The following ZDHHC20 variants were observed in gnomAD, a reference collection of about 807,000 sequenced individuals.
The protein encoded by ZDHHC20 is zDHHC palmitoyltransferase 20, also known as palmitoyltransferase ZDHHC20.
Under a neutral mutation model 57.8 loss-of-function variants are expected in ZDHHC20, and 43 were observed. The ratio of observed to expected loss-of-function variants is 0.74; its 90% CI spans 0.58 to 0.96. The LOEUF (loss-of-function observed/expected upper bound fraction) is 0.96. Ranked by LOEUF, ZDHHC20 falls within the 40% of genes least tolerant of loss-of-function variation. The probability of loss-of-function intolerance (pLI) is 0.00; values close to 1 mark genes in which losing one functional copy is unlikely to be tolerated. For synonymous variants in ZDHHC20, 157 were observed against 153.0 expected (o/e 1.03, Z -0.19); for missense variants, 391 against 441.1 (o/e 0.89, Z 1.02).
At chr13:21,445,288 T>C (rs1883579984) in intron 1 of ZDHHC20, among the ~76,000 whole-genome samples, 1 of 152,156 alleles carries the variant, frequency 6.6e-6, no homozygotes, top group South Asian at 2.1e-4. Context: ...CAGATGTGGA[T>C]CTGAGCTTTG....
chr13:21,396,092 C>A (rs1260737264), intron 7 of ZDHHC20, among the ~76,000 whole-genome samples: 1 of 152,160 alleles, frequency 6.6e-6, no homozygotes, highest in African/African-American at 2.4e-5. Context: ...TTCCTGCAGC[C>A]AGCCAATCCA....
intron 10 of ZDHHC20, 118 bp downstream of exon 10, chr13:21,382,802 C>T: frequency 1.2e-6 from 1 of 803,102 alleles, no homozygotes; most frequent in Non-Finnish European, 1.9e-6. Context: ...ATTTCTCTTT[C>T]CCTAACTATG....
chr13:21,442,137 T>C (rs1419388048), intron 1 of ZDHHC20, among the ~76,000 whole-genome samples: 1 of 152,270 alleles, frequency 6.6e-6, no homozygotes, highest in Non-Finnish European at 1.5e-5. Context: ...AATTCCTTTT[T>C]GGTATATATG....
chr13:21,457,283 T>C (rs1025268132), intron 1 of ZDHHC20, among the ~76,000 whole-genome samples: 3 of 152,184 alleles, frequency 2.0e-5, no homozygotes, highest in African/African-American at 7.2e-5. Flanking sequence ...TCCTTCAGCT[T>C]TACTTCAAAA....
chr13:21,394,664 A>G (rs1372302305), intron 7 of ZDHHC20, among the ~76,000 whole-genome samples: 1 of 152,208 alleles, frequency 6.6e-6, no homozygotes, highest in African/African-American at 2.4e-5. Flanking sequence ...GCACACAAAC[A>G]TTGCTGAATT....
At chr13:21,401,010 G>A (rs2137793696) in intron 6 of ZDHHC20, among the ~76,000 whole-genome samples, 1 of 152,224 alleles carries the variant, frequency 6.6e-6, no homozygotes, top group African/African-American at 2.4e-5. Flanking sequence ...GAGTGCAGTG[G>A]CTCATGCCTG....
At position 21,381,561 on chromosome 13, in the gene ZDHHC20, A is replaced by G; in HGVS notation, c.945-12T>C. 6.3e-7 allele frequency: 1 copy of G among 1,581,714 alleles called. No homozygotes were observed. The highest frequency in any genetic ancestry group is 8.7e-7 in the Non-Finnish European group (1 of 1,151,622). On this transcript the variant is annotated splice_polypyrimidine_tract_variant and intron_variant, in intron 10 of 12. Transcript: ENST00000400590. ...GATTTGAGCCACTACTGAAAAGAAG[A>G]GCAAACAACTTAGTAAACAGCTTAA...
chr13:21,413,405 A>G (rs989152418), intron 4 of ZDHHC20, among the ~76,000 whole-genome samples: 1 of 152,076 alleles, frequency 6.6e-6, no homozygotes, highest in African/African-American at 2.4e-5. Flanking sequence ...GAGTTGGGGG[A>G]AAAAAACAAG....
intron 4 of ZDHHC20, among the ~76,000 whole-genome samples, chr13:21,410,370 A>G (rs1879038368): frequency 6.6e-6 from 1 of 152,206 alleles, no homozygotes; most frequent in Non-Finnish European, 1.5e-5. Flanking sequence ...TCTGTCCCTT[A>G]GCAGAGCTCG....
chr13:21,377,742 G>T, intron 12 of ZDHHC20: 1 of 167,584 alleles, frequency 6.0e-6, no homozygotes, highest in Admixed American at 6.4e-5. Context: ...GCAGGCTCCA[G>T]GTCCTCTGCA....
intron 1 of ZDHHC20, among the ~76,000 whole-genome samples, chr13:21,432,196 C>T (rs962689230): frequency 6.6e-6 from 1 of 152,098 alleles, no homozygotes; most frequent in Non-Finnish European, 1.5e-5. Context: ...GACAGAATCT[C>T]GCTCTGTCGC....
At position 21,376,263 on chromosome 13, in the gene ZDHHC20, C is replaced by A. The variant is rs1320856491; in HGVS notation, c.*433G>T. The A allele has an allele frequency of 6.4e-6, 1 of 156,734 alleles. No individual in the cohort carries two copies. Among genetic ancestry groups the A allele is most frequent in the East Asian group, 1.8e-4 (1 of 5,418 alleles). 9.7% of individuals were successfully genotyped at this position (156,734 alleles called of 1,614,324 possible). The stretch of plus-strand genomic sequence containing the variant: ...ATTATTCACTTTCAGCCACCATTTG[C>A]CCTAGATGTACTTTAAAGTTTTTAA... On this transcript the variant is annotated 3_prime_UTR_variant, in exon 13 of 13. Transcript: ENST00000400590.
chr13:21,402,480 T>C (rs987800935), intron 5 of ZDHHC20, among the ~76,000 whole-genome samples: 7 of 152,194 alleles, frequency 4.6e-5, no homozygotes, highest in Admixed American at 6.5e-5. Context: ...TTATCTGGGA[T>C]TCCAAACTAA....
chr13:21,382,106 C>T (rs1873534524), intron 10 of ZDHHC20: 2 of 333,138 alleles, frequency 6.0e-6, no homozygotes, highest in Admixed American at 7.1e-5. Context: ...ATCTTATACA[C>T]ATTATCTCAA....
At chr13:21,414,622 T>C (rs763194753) in intron 3 of ZDHHC20, among the ~76,000 whole-genome samples, 37 of 151,138 alleles carry the variant, frequency 2.4e-4, no homozygotes, top group South Asian at 1.3e-3. Flanking sequence ...CTGCCCGCCT[T>C]GGCCTCCCAA....
chr13:21,426,900 G>A (rs969911900), intron 1 of ZDHHC20, among the ~76,000 whole-genome samples: 6 of 152,196 alleles, frequency 3.9e-5, no homozygotes, highest in East Asian at 1.9e-4. Context: ...GAGCCACCGC[G>A]CCAGGCCCTC....
At chr13:21,457,452 A>G (rs1316850567) in intron 1 of ZDHHC20, among the ~76,000 whole-genome samples, 1 of 152,236 alleles carries the variant, frequency 6.6e-6, no homozygotes, top group African/African-American at 2.4e-5. Context: ...TTCTGGAAGT[A>G]GCTCCCAGAA....
rs185968128 is a variant in ZDHHC20, at chr13:21,374,294, G to A, written c.*2402C>T. On this transcript the variant is annotated 3_prime_UTR_variant, in exon 13 of 13. Transcript: ENST00000400590. ...GGCTGGAGTGCAGTGGCACGATCTC[G>A]GCTCACTGCGACCTCCACCTCCTGG... The A allele has an allele frequency of 4.9e-4, 188 of 386,184 alleles. No homozygotes were observed. Among genetic ancestry groups the A allele is most frequent in the African/African-American group, 3.4e-3 (166 of 49,020 alleles). The allele number at this position is 386,184 out of a possible 1,614,324, so 23.9% of individuals were successfully genotyped here. A position where few individuals can be genotyped will look rare whatever the true frequency, so the allele number is the denominator to read the frequency against.
intron 1 of ZDHHC20, among the ~76,000 whole-genome samples, chr13:21,438,055 A>G (rs1593266521): frequency 6.6e-6 from 1 of 152,138 alleles, no homozygotes; most frequent in Admixed American, 6.5e-5. Context: ...TCCTTTCAAA[A>G]TATTACTGCT....
Sources: gnomAD v4.1 joint callset for allele counts (sites outside exome capture counted in the v4.1 genomes callset) on GRCh38, gnomAD v4.1.1 for gene constraint, MANE v1.5 for transcripts, NCBI Gene and HGNC (gene_info 2026-07-23, HGNC 2026-07-21) for gene names.